HECTD4: variants seen among roughly 807,000 people sequenced by gnomAD.
HECTD4 encodes HECT domain E3 ubiquitin protein ligase 4.
HECTD4 carries 114 observed loss-of-function variants against 471.5 expected under a neutral mutation model. The ratio of observed to expected loss-of-function variants is 0.24; its 90% CI spans 0.21 to 0.28. The LOEUF (loss-of-function observed/expected upper bound fraction) is 0.28. Among genes scored for constraint, HECTD4 ranks in the 10% least tolerant of loss-of-function variants. The probability of loss-of-function intolerance (pLI) is 1.00; values close to 1 mark genes in which losing one functional copy is unlikely to be tolerated. For missense variants in HECTD4, 3,866 were observed against 5,651.5 expected, an observed-to-expected ratio of 0.68 and a Z score of 10.13; for synonymous variants, 2,012 against 2,256.0, an observed-to-expected ratio of 0.89 and a Z score of 3.07.
Position 112,302,217 on chromosome 12 carries a change from C to G in HECTD4, c.1335+3847G>C, listed in dbSNP as rs1594026428. ...TCGTGTGCAATCACCACCAGCTGAG[C>G]TTTCTTGTTCTCCACCAAGGTGGTG... On this transcript the variant is annotated intron_variant, in intron 7 of 75. Coordinates refer to ENST00000682272, the MANE Select transcript of HECTD4 (RefSeq NM_001388303.1). 3 of 1,318,774 alleles carry G rather than the reference C, an allele frequency of 2.3e-6. No homozygotes were observed. In the East Asian group the frequency reaches 7.1e-5, roughly 31 times the overall value. 81.7% of individuals were successfully genotyped at this position (1,318,774 alleles called of 1,614,324 possible).
intron 1 of HECTD4, among the ~76,000 whole-genome samples, chr12:112,366,029 G>A (rs1290768345): frequency 6.6e-6 from 1 of 152,104 alleles, no homozygotes; most frequent in African/African-American, 2.4e-5. Flanking sequence ...ACCCGCCTCA[G>A]CCTCCCAAAG....
At position 112,169,583 on chromosome 12, in the gene HECTD4, A is replaced by T. The variant is rs750789943; in HGVS notation, c.12128T>A (p.Leu4043His). The T allele has an allele frequency of 2.8e-5, 45 of 1,613,576 alleles. No individual in the cohort carries two copies. Among genetic ancestry groups the T allele is most frequent in the Non-Finnish European group, 3.8e-5 (45 of 1,179,900 alleles). Reference protein sequence around the residue: ...RQLASVPSSQLCVKLASGGDP... With the variant: ...RQLASVPSSQHCVKLASGGDP... ...ACCGCCACTGGCCAGCTTGACGCAG[A>T]GCTGAGACGACGGCACTGAGGCCAG... Residue 4043 changes from leucine (L) to histidine (H), a missense_variant, in exon 70 of 76, where the codon CTC becomes CAC. Coordinates refer to ENST00000682272, the MANE Select transcript of HECTD4 (RefSeq NM_001388303.1).
chr12:112,378,204 G>C (rs996630646), intron 1 of HECTD4, among the ~76,000 whole-genome samples: 2 of 151,936 alleles, frequency 1.3e-5, no homozygotes, highest in African/African-American at 4.8e-5. Flanking sequence ...AGTCTCTTCT[G>C]CTCTAAAATT....
At chr12:112,371,818 G>A (rs995288147) in intron 1 of HECTD4, among the ~76,000 whole-genome samples, 10 of 151,092 alleles carry the variant, frequency 6.6e-5, no homozygotes, top group Middle Eastern at 3.4e-3. Flanking sequence ...CCCGGGAGGC[G>A]GAGGTTGCGG....
intron 62 of HECTD4, 108 bp downstream of exon 62, chr12:112,182,951 A>G (rs1485049108): frequency 1.3e-6 from 1 of 765,846 alleles, no homozygotes; most frequent in African/African-American, 1.7e-5. Flanking sequence ...AAGATGTTAA[A>G]AATAGGGGAT....
rs77766205 is a variant in HECTD4, at chr12:112,168,860, T to C, written c.12208+643A>G. On this transcript the variant is annotated intron_variant, in intron 70 of 75. Coordinates refer to ENST00000682272, the MANE Select transcript of HECTD4 (RefSeq NM_001388303.1). ...AGTCTGGGCTGTCAGTGAACCAGAGTTGCTCTCAGAGAGGCCTAGGAGGCC... is the reference window on the plus strand; with the variant it reads ...AGTCTGGGCTGTCAGTGAACCAGAGCTGCTCTCAGAGAGGCCTAGGAGGCC... Among the ~76,000 whole-genome samples, 113 of 152,128 alleles carry C rather than the reference T, an allele frequency of 7.4e-4. 3 individuals carry two copies. In the East Asian group the frequency reaches 0.018, roughly 24 times the overall value.
At chr12:112,178,580 G>A (rs2031546931) in intron 64 of HECTD4, among the ~76,000 whole-genome samples, 2 of 152,168 alleles carry the variant, frequency 1.3e-5, no homozygotes, top group African/African-American at 2.4e-5. Flanking sequence ...CTGTAACCTC[G>A]GCACTGTGGG....
chr12:112,217,181 A>C lies in HECTD4; in HGVS notation c.7089T>G (p.Thr2363=). 6.6e-7 allele frequency: 1 copy of C among 1,521,502 alleles called. No individual in the cohort carries two copies. The highest frequency in any genetic ancestry group is 8.8e-7 in the Non-Finnish European group (1 of 1,134,878). The allele number at this position is 1,521,502 out of a possible 1,614,324, so 94.3% of individuals were successfully genotyped here. The change falls in exon 46 of 76, where the codon ACT becomes ACG. Residue 2363 remains threonine, a synonymous_variant. Coordinates refer to ENST00000682272, the MANE Select transcript of HECTD4 (RefSeq NM_001388303.1). The part of the protein sequence containing the change: ...QADRRQPKEI[T]WSPSRVFPPV... ...GCGGAAACACTCGCGAGGGGCTCCAAGTAATCTCTTTGGGCTGCATCAGGG... is the reference window on the plus strand; with the variant it reads ...GCGGAAACACTCGCGAGGGGCTCCACGTAATCTCTTTGGGCTGCATCAGGG...
chr12:112,314,525 G>A lies in HECTD4; in HGVS notation c.717C>T (p.Val239=), dbSNP rs944391405. ...ACARGSLKTF[V]HTVHLLQKQT... ...GTTTCTGTAATAGATGGACTGTGTG[G>A]ACGAAAGTTTTCAATGATCCCCTAA... The change falls in exon 3 of 76, where the codon GTC becomes GTT. Residue 239 remains valine, a synonymous_variant. Transcript: ENST00000682272. The A allele has an allele frequency of 1.3e-6, 2 of 1,526,610 alleles. No individual in the cohort carries two copies. Among genetic ancestry groups the A allele is most frequent in the Non-Finnish European group, 1.8e-6 (2 of 1,138,344 alleles). 94.6% of individuals were successfully genotyped at this position (1,526,610 alleles called of 1,614,324 possible).
In HECTD4 at chr12:112,163,247, T is replaced by C. The variant is rs774925570; in HGVS notation, c.12915A>G (p.Gln4305=). Residue 4305 remains glutamine (Q), a synonymous_variant, in exon 75 of 76, where the codon CAA becomes CAG. Transcript: ENST00000682272. The surrounding 1 kb of genome is among the most constrained non-coding windows in gnomAD (Gnocchi z 8.2). ...LEFLKAHTMY[Q]VGLMETDQHI... is the part of the protein sequence containing the mutation. ...GCTGGTCCGTCTCCATCAGCCCCACTTGGTACATGGTGTGGGCCTGGGGAG... is the reference window on the plus strand; with the variant it reads ...GCTGGTCCGTCTCCATCAGCCCCACCTGGTACATGGTGTGGGCCTGGGGAG... 3 of 1,613,496 alleles carry C rather than the reference T, an allele frequency of 1.9e-6. No homozygotes were observed. The highest frequency in any genetic ancestry group is 2.2e-5 in the East Asian group (1 of 44,896).
In HECTD4 at chr12:112,256,394, C is replaced by G; in HGVS notation, c.3253G>C (p.Val1085Leu). The change falls in exon 21 of 76, where the codon GTC becomes CTC. Residue 1085 changes from valine (V) to leucine (L), a missense_variant. By Grantham distance (32) the Val-to-Leu change is conservative. Coordinates refer to ENST00000682272, the MANE Select transcript of HECTD4 (RefSeq NM_001388303.1). ...AGGCAGCGAGCTCCTGGGATATGGA[C>G]CGTTTCTTTAAATTTATAGTTGTCT... ...VRDNYKFKET[V>L]HIPGARCLYL... 2 of 1,612,972 alleles carry G rather than the reference C, an allele frequency of 1.2e-6. No individual in the cohort carries two copies. Among genetic ancestry groups the G allele is most frequent in the Non-Finnish European group, 1.7e-6 (2 of 1,179,452 alleles).
chr12:112,314,926 G>C (rs2035448206), intron 2 of HECTD4, among the ~76,000 whole-genome samples: 1 of 152,152 alleles, frequency 6.6e-6, no homozygotes, highest in Admixed American at 6.5e-5. Context: ...TTCCAGGCTT[G>C]ATTTTAAAAT....
intron 69 of HECTD4, 96 bp from the exon 70 acceptor site, chr12:112,169,754 T>C (rs1284015660): frequency 7.0e-7 from 1 of 1,429,396 alleles, no homozygotes; most frequent in Admixed American, 1.7e-5. Context: ...CCTGTGCCTG[T>C]CCCTGGACCC....
chr12:112,168,952 A>T (rs983122959), intron 70 of HECTD4, among the ~76,000 whole-genome samples: 1 of 152,148 alleles, frequency 6.6e-6, no homozygotes, highest in Non-Finnish European at 1.5e-5. Context: ...AGATCAGAGG[A>T]AAGGGGAGAA....
At chr12:112,177,375 C>CAA (rs2031487858) in intron 64 of HECTD4, among the ~76,000 whole-genome samples, 1 of 143,466 alleles carries the variant, frequency 7.0e-6, no homozygotes, top group African/African-American at 2.7e-5. Context: ...TGTTATGAGG[C>CAA]TATTTTTTTT....
chr12:112,192,662 G>C lies in HECTD4; in HGVS notation c.9190C>G (p.Pro3064Ala). 4 of 1,606,192 alleles carry C rather than the reference G, an allele frequency of 2.5e-6. No homozygotes were observed. Among genetic ancestry groups the C allele is most frequent in the Non-Finnish European group, 3.4e-6 (4 of 1,176,746 alleles). ...GTGTTGGCTGGGGACGCGTCCCGCG[G>C]GTAACAGGCGGCCTCGATGAGGTTC... Reference protein sequence around the residue: ...QLNLIEAACYPRDASPANTGL... With the variant: ...QLNLIEAACYARDASPANTGL... The change falls in exon 59 of 76, where the codon CCG (proline) becomes GCG (alanine). Residue 3064 changes from proline (P) to alanine (A), a missense_variant. By Grantham distance (27) the Pro-to-Ala change is conservative. Coordinates refer to ENST00000682272, the MANE Select transcript of HECTD4 (RefSeq NM_001388303.1).
At chr12:112,324,008 T>C (rs2035665209) in intron 1 of HECTD4, among the ~76,000 whole-genome samples, 1 of 47,070 alleles carries the variant, frequency 2.1e-5, no homozygotes, top group African/African-American at 2.2e-4. Flanking sequence ...CTTCCTTCCT[T>C]CCTTCCTTCC....
At chr12:112,232,910 C>A (rs1378739918) in intron 38 of HECTD4, 94 bp downstream of exon 38, 3 of 1,136,054 alleles carry the variant, frequency 2.6e-6, no homozygotes, top group Non-Finnish European at 3.8e-6. Context: ...GGAACTTGAA[C>A]TAATTTTTTG....
rs770120372 is a variant in HECTD4 at position 112,167,521 on chromosome 12, G to A, written c.12330C>T (p.Thr4110=). 6.3e-7 allele frequency: 1 copy of A among 1,599,824 alleles called. No individual in the cohort carries two copies. The highest frequency in any genetic ancestry group is 1.3e-5 in the African/African-American group (1 of 74,664). The change falls in exon 72 of 76, where the codon ACC becomes ACT. Residue 4110 remains threonine (T), a synonymous_variant. Transcript: ENST00000682272. ...VNKNKGKYIL[T]PSPITYGEEQ... ...CCTCCCCGTAGGTGATGGGGCTCGG[G>A]GTCAGGATATACTTGCCCTGGAAGT...
Sources: gnomAD v4.1 joint callset for allele counts (sites outside exome capture counted in the v4.1 genomes callset) on GRCh38, gnomAD v4.1.1 for gene constraint, Gnocchi (gnomAD v3.1) non-coding constraint, MANE v1.5 for transcripts, NCBI Gene and HGNC (gene_info 2026-07-23, HGNC 2026-07-21) for gene names.